The following ATF7IP2 variants were observed in gnomAD, a reference collection of about 807,000 sequenced individuals.
ATF7IP2 encodes activating transcription factor 7 interacting protein 2, also known as activating transcription factor 7-interacting protein 2.
ATF7IP2 carries 42 observed loss-of-function variants against 64.2 expected under a neutral mutation model. The observed-to-expected ratio is 0.65, with a 90% confidence interval of 0.51 to 0.85. The LOEUF is 0.85. Ranked by LOEUF, ATF7IP2 falls within the 40% of genes least tolerant of loss-of-function variation. The pLI, the probability that ATF7IP2 is intolerant of heterozygous loss-of-function variation, is 0.00. For synonymous variants in ATF7IP2, 308 were observed against 272.8 expected, an observed-to-expected ratio of 1.13 and a Z score of -1.27; for missense variants, 933 against 784.2, an observed-to-expected ratio of 1.19 and a Z score of -2.27.
intron 12 of ATF7IP2, among the ~76,000 whole-genome samples, chr16:10,480,313 G>A (rs1271981545): frequency 6.6e-6 from 1 of 151,730 alleles, no homozygotes; most frequent in Non-Finnish European, 1.5e-5. Context: ...TTGCCTACTT[G>A]TACCTTCTTT....
intron 8 of ATF7IP2, among the ~76,000 whole-genome samples, chr16:10,454,970 T>C (rs2049119139): frequency 6.6e-6 from 1 of 152,244 alleles, no homozygotes; most frequent in Non-Finnish European, 1.5e-5. Flanking sequence ...ACTTATTTTA[T>C]AGTCCAGCAT....
chr16:10,399,939 C>G (rs764702936), intron 1 of ATF7IP2, among the ~76,000 whole-genome samples: 1 of 152,028 alleles, frequency 6.6e-6, no homozygotes, highest in Non-Finnish European at 1.5e-5. Context: ...TTTTATTTTA[C>G]GTTTTGTAGC....
At chr16:10,459,461 C>CCAT (rs1397453190) in intron 9 of ATF7IP2, among the ~76,000 whole-genome samples, 2 of 150,046 alleles carry the variant, frequency 1.3e-5, no homozygotes, top group Admixed American at 6.6e-5. Flanking sequence ...GAGCGAGACT[C>CCAT]CATCTCAAAA....
intron 3 of ATF7IP2, among the ~76,000 whole-genome samples, chr16:10,426,607 G>T (rs901995567): frequency 3.3e-5 from 5 of 152,094 alleles, no homozygotes; most frequent in African/African-American, 1.2e-4. Flanking sequence ...CACAGCCATG[G>T]TATAGCACCG....
chr16:10,405,506 G>A (rs2047619574), intron 1 of ATF7IP2, among the ~76,000 whole-genome samples: 1 of 152,200 alleles, frequency 6.6e-6, no homozygotes, highest in African/African-American at 2.4e-5. Context: ...TGGTCAGAGT[G>A]AAACATTCCA....
In ATF7IP2 at chr16:10,466,659, T is replaced by C. The variant is rs76502220; in HGVS notation, c.1353-5451T>C. ...TTAGCCATTTGGATATCTTCTTTTA[T>C]GAAGATTTTTGCTTTGTCTTTTCAA... On this transcript the variant is annotated intron_variant, in intron 9 of 13. Coordinates refer to ENST00000562102, the MANE Select transcript of ATF7IP2 (RefSeq NM_001393719.1). 5.6e-3 allele frequency among the ~76,000 whole-genome samples: 848 copies of C among 152,346 alleles called. 6 individuals are homozygous for C. The highest frequency in any genetic ancestry group is 0.02 in the African/African-American group (824 of 41,586).
intron 3 of ATF7IP2, among the ~76,000 whole-genome samples, chr16:10,423,995 G>A (rs975893056): frequency 1.3e-5 from 2 of 152,194 alleles, no homozygotes; most frequent in Non-Finnish European, 2.9e-5. Context: ...GCCACGAAGA[G>A]TTTTACCCAC....
At chr16:10,458,967 C>T (rs1377520699) in intron 9 of ATF7IP2, among the ~76,000 whole-genome samples, 1 of 151,942 alleles carries the variant, frequency 6.6e-6, no homozygotes, top group African/African-American at 2.4e-5. Context: ...AGGTGGATCA[C>T]TTGAGGTCAG....
intron 12 of ATF7IP2, among the ~76,000 whole-genome samples, chr16:10,474,777 G>A (rs1259640793): frequency 6.6e-6 from 1 of 152,190 alleles, no homozygotes; most frequent in Non-Finnish European, 1.5e-5. Context: ...GAAAAATGAA[G>A]ATACAATGCA....
At chr16:10,451,617 T>C (rs1006906731) in intron 8 of ATF7IP2, among the ~76,000 whole-genome samples, 4 of 152,026 alleles carry the variant, frequency 2.6e-5, no homozygotes, top group African/African-American at 9.7e-5. Flanking sequence ...AGTTCAGCTG[T>C]TAATACTTGT....
rs2050264996 is a variant in ATF7IP2 at position 10,482,267 on chromosome 16, T to C, written c.*18T>C. On this transcript the variant is annotated 3_prime_UTR_variant, in exon 14 of 14. Coordinates refer to ENST00000562102, the MANE Select transcript of ATF7IP2 (RefSeq NM_001393719.1). The stretch of plus-strand genomic sequence containing the variant: ...TTACGTAAAAGGTGTTTAATAATGA[T>C]ATACTACTTTTTTTTTCATATTTGT... 1.3e-6 allele frequency: 2 copies of C among 1,506,024 alleles called. No homozygotes were observed. The highest frequency in any genetic ancestry group is 1.8e-6 in the Non-Finnish European group (2 of 1,113,012). 93.3% of individuals were successfully genotyped at this position (1,506,024 alleles called of 1,614,324 possible). A position where few individuals can be genotyped will look rare whatever the true frequency, so the allele number is the denominator to read the frequency against.
chr16:10,458,495 A>G (rs1318891720), intron 9 of ATF7IP2, among the ~76,000 whole-genome samples: 1 of 152,244 alleles, frequency 6.6e-6, no homozygotes, highest in Non-Finnish European at 1.5e-5. Context: ...CTCATGTTCT[A>G]TTCTGAAGGA....
chr16:10,438,963 G>A (rs908066616), intron 7 of ATF7IP2, among the ~76,000 whole-genome samples: 1 of 142,140 alleles, frequency 7.0e-6, no homozygotes, highest in Non-Finnish European at 1.5e-5. Flanking sequence ...TGAGGCAGGA[G>A]AATTGCTTGA....
intron 12 of ATF7IP2, among the ~76,000 whole-genome samples, chr16:10,477,462 T>TATTTTGA (rs1355192072): frequency 3.3e-5 from 5 of 152,120 alleles, no homozygotes; most frequent in Non-Finnish European, 7.4e-5. Context: ...AATTAGGTAT[T>TATTTTGA]GATGGGACGT....
intron 1 of ATF7IP2, among the ~76,000 whole-genome samples, chr16:10,397,768 G>A (rs2047447789): frequency 6.6e-6 from 1 of 150,888 alleles, no homozygotes; most frequent in East Asian, 2.0e-4. Context: ...GAGGTGAGAA[G>A]ATTGCATGAG....
chr16:10,457,654 G>A (rs1435701059), intron 9 of ATF7IP2, 125 bp downstream of exon 9: 12 of 784,752 alleles, frequency 1.5e-5, no homozygotes, highest in South Asian at 1.3e-4. Flanking sequence ...ATGTCCTATA[G>A]TTTTACTTTT....
At chr16:10,404,315 C>T (rs940442349) in intron 1 of ATF7IP2, among the ~76,000 whole-genome samples, 9 of 152,122 alleles carry the variant, frequency 5.9e-5, no homozygotes, top group African/African-American at 1.2e-4. Context: ...TGAAGTGGTG[C>T]GATCTCTGCT....
At chr16:10,455,344 G>C (rs548140220) in intron 8 of ATF7IP2, among the ~76,000 whole-genome samples, 2 of 152,358 alleles carry the variant, frequency 1.3e-5, no homozygotes, top group East Asian at 3.9e-4. Context: ...GCAGAGGCTG[G>C]AATGAAGTAC....
intron 12 of ATF7IP2, among the ~76,000 whole-genome samples, chr16:10,478,809 A>G (rs527449140): frequency 2.0e-5 from 3 of 152,328 alleles, no homozygotes; most frequent in South Asian, 4.1e-4. Context: ...AATTCACAAG[A>G]AAAAAACAAC....
Sources: gnomAD v4.1 joint callset for allele counts (sites outside exome capture counted in the v4.1 genomes callset) on GRCh38, gnomAD v4.1.1 for gene constraint, MANE v1.5 for transcripts, NCBI Gene and HGNC (gene_info 2026-07-23, HGNC 2026-07-21) for gene names.